DHX30: variants seen among roughly 807,000 people sequenced by gnomAD.
DHX30 encodes the protein DExH-box helicase 30, also known as ATP-dependent RNA helicase DHX30.
DHX30 carries 4 observed loss-of-function variants against 116.9 expected under a neutral mutation model. The ratio of observed to expected loss-of-function variants is 0.03; its 90% CI spans 0.02 to 0.08. The LOEUF (loss-of-function observed/expected upper bound fraction) is 0.08. Ranked by LOEUF, DHX30 falls within the 10% of genes least tolerant of loss-of-function variation. The pLI is 1.00. For missense variants in DHX30, 871 were observed against 1,595.1 expected, an observed-to-expected ratio of 0.55 and a Z score of 7.73; for synonymous variants, 697 against 651.7, an observed-to-expected ratio of 1.07 and a Z score of -1.06.
chr3:47,819,256 A>G (rs751564663), intron 4 of DHX30: 4 of 1,367,914 alleles, frequency 2.9e-6, no homozygotes, highest in African/African-American at 2.9e-5. Flanking sequence ...AACATTTCCA[A>G]CATGGCAGGT....
chr3:47,846,782 T>C lies in DHX30; in HGVS notation c.1710T>C (p.Phe570=). The C allele has an allele frequency of 6.2e-7, 1 of 1,613,886 alleles. No individual in the cohort carries two copies. The highest frequency in any genetic ancestry group is 8.5e-7 in the Non-Finnish European group (1 of 1,179,986). The change falls in exon 11 of 22, where the codon TTT becomes TTC. Residue 570 remains phenylalanine, a synonymous_variant. Coordinates refer to ENST00000445061, the MANE Select transcript of DHX30 (RefSeq NM_138615.3). ...EVHERDVNTD[F]LLILLKGLQR... ...ATGAGCGGGACGTGAACACAGACTT[T>C]CTGCTGATCCTGCTCAAGGGCCTGC...
intron 4 of DHX30, among the ~76,000 whole-genome samples, chr3:47,822,567 A>T (rs2036344635): frequency 6.6e-6 from 1 of 151,974 alleles, no homozygotes; most frequent in Non-Finnish European, 1.5e-5. Context: ...TGGGTGGATC[A>T]TGAGGTCAGG....
At chr3:47,829,303 TATATATATATA>T (rs1371528465) in intron 6 of DHX30, among the ~76,000 whole-genome samples, 169 bp downstream of exon 6, 3 of 41,416 alleles carry the variant, frequency 7.2e-5, no homozygotes, top group African/African-American at 2.1e-4. Flanking sequence ...TATATATATA[TATATATATATA>T]TTTTTTTTTT....
intron 5 of DHX30, among the ~76,000 whole-genome samples, chr3:47,827,782 C>T (rs1042408242): frequency 1.3e-5 from 2 of 152,162 alleles, no homozygotes; most frequent in Non-Finnish European, 2.9e-5. Context: ...ATAATTCTTG[C>T]CCTTACAGTC....
chr3:47,843,026 C>T (rs1289841336), intron 8 of DHX30, 80 bp from the exon 9 acceptor site: 1 of 1,542,710 alleles, frequency 6.5e-7, no homozygotes, highest in Non-Finnish European at 8.9e-7. Context: ...TGTCTCTGGG[C>T]TCCTTGGCAT....
chr3:47,846,975 T>TACCTGC lies in DHX30; in HGVS notation c.1907_1912dup (p.Leu636_His637dup). ...CCTGGCCAAGTTGGGCAAGCACCAGTACCTGCACCGGCACCGGCACCATGA... is the reference window on the plus strand; with the variant it reads ...CCTGGCCAAGTTGGGCAAGCACCAGTACCTGCACCTGCACCGGCACCGGCACCATGA... On this transcript the variant is annotated inframe_insertion, in exon 11 of 22. Coordinates refer to ENST00000445061, the MANE Select transcript of DHX30 (RefSeq NM_138615.3). 2 of 1,612,660 alleles carry TACCTGC rather than the reference T, an allele frequency of 1.2e-6. No individual in the cohort carries two copies. Among genetic ancestry groups the TACCTGC allele is most frequent in the Non-Finnish European group, 8.5e-7 (1 of 1,179,462 alleles).
rs767030872 is a variant in DHX30 at position 47,847,514 on chromosome 3, G to GAGC, written c.2090_2092dup (p.Ser697dup). 9.3e-6 allele frequency: 15 copies of GAGC among 1,611,030 alleles called. No individual in the cohort carries two copies. Among genetic ancestry groups the GAGC allele is most frequent in the Non-Finnish European group, 1.2e-5 (14 of 1,178,562 alleles). Reference sequence around the variant, plus strand: ...TCCAGGAGGCCCTGGGCATGCACGAGAGCAAGTACCTCATCCTGCCAGGTG... The same window carrying GAGC: ...TCCAGGAGGCCCTGGGCATGCACGAGAGCAGCAAGTACCTCATCCTGCCAGGTG... On this transcript the variant is annotated inframe_insertion, in exon 13 of 22. Coordinates refer to ENST00000445061, the MANE Select transcript of DHX30 (RefSeq NM_138615.3). The surrounding 1 kb of genome is among the most constrained non-coding windows in gnomAD (Gnocchi z 5.5).
In DHX30 at chr3:47,846,388, A is replaced by T; in HGVS notation, c.1316A>T (p.His439Leu). The T allele has an allele frequency of 6.2e-7, 1 of 1,614,072 alleles. No homozygotes were observed. Residue 439 changes from histidine to leucine, a missense_variant, in exon 11 of 22, where the codon CAT becomes CTT. Physicochemically the swap from His to Leu is moderately conservative, Grantham distance 99 (BLOSUM62 -3). Around this residue, in one of 13 missense-constraint regions of DHX30, gnomAD observed 175 missense variants for 292.9 expected, o/e 0.60. Transcript: ENST00000445061. ...GCCCCCCAGCTACCTGTGGACCCAC[A>T]TCGGGACACCATCCTCAACGCCATT... is the stretch of plus-strand genomic sequence containing the variant. ...QEAPQLPVDPHRDTILNAIEQ... is the reference protein window; with the variant it reads ...QEAPQLPVDPLRDTILNAIEQ...
rs536906965 is a variant in DHX30 at position 47,812,204 on chromosome 3, G to A, written c.28+1493G>A. 2.0e-5 allele frequency among the ~76,000 whole-genome samples: 3 copies of A among 151,910 alleles called. No homozygotes were observed. In the East Asian group the frequency reaches 5.8e-4, roughly 29 times the overall value. On this transcript the variant is annotated intron_variant, in intron 3 of 21. Coordinates refer to ENST00000445061, the MANE Select transcript of DHX30 (RefSeq NM_138615.3). The stretch of plus-strand genomic sequence containing the variant: ...ATCGTGCCATTGCACTCCAGCCTGG[G>A]CAACAAGAGTGAGATGCCATCTCAA...
chr3:47,846,406 A>C lies in DHX30; in HGVS notation c.1334A>C (p.Asn445Thr). The change falls in exon 11 of 22, where the codon AAC (asparagine) becomes ACC (threonine). Residue 445 changes from asparagine to threonine, a missense_variant. Asn to Thr is a moderately conservative substitution (Grantham distance 65). Coordinates refer to ENST00000445061, the MANE Select transcript of DHX30 (RefSeq NM_138615.3). ...GACCCACATCGGGACACCATCCTCA[A>C]CGCCATTGAGCAGCACCCGGTGGTG... is the stretch of plus-strand genomic sequence containing the variant. ...PVDPHRDTILNAIEQHPVVVI... is the reference protein window; with the variant it reads ...PVDPHRDTILTAIEQHPVVVI... 1 of 1,614,082 alleles carries C rather than the reference A, an allele frequency of 6.2e-7. No homozygotes were observed. The highest frequency in any genetic ancestry group is 8.5e-7 in the Non-Finnish European group (1 of 1,180,020).
chr3:47,815,723 C>CAAAAAAAAAAAAAAAAAAAAAAAAA (rs11349970), intron 3 of DHX30, among the ~76,000 whole-genome samples: 1 of 20,758 alleles, frequency 4.8e-5, no homozygotes. Flanking sequence ...TAAAAAAGAG[C>CAAAAAAAAAAAAAAAAAAAAAAAAA]AAAAAAAAAA....
intron 7 of DHX30, 114 bp downstream of exon 7, chr3:47,841,292 G>A: frequency 7.0e-7 from 1 of 1,431,890 alleles, no homozygotes; most frequent in Non-Finnish European, 9.4e-7. Flanking sequence ...TCACATTTCA[G>A]CCTGTGTGCC....
chr3:47,831,858 A>G (rs913790499), intron 6 of DHX30, among the ~76,000 whole-genome samples: 2 of 148,604 alleles, frequency 1.3e-5, no homozygotes, highest in African/African-American at 4.9e-5. Flanking sequence ...GCTTTAGTGG[A>G]CCACTCTAAA....
intron 3 of DHX30, among the ~76,000 whole-genome samples, chr3:47,811,263 C>A (rs896303270): frequency 6.6e-6 from 1 of 152,006 alleles, no homozygotes; most frequent in Non-Finnish European, 1.5e-5. Flanking sequence ...CTCTAAAATC[C>A]TATTTTTCTA....
chr3:47,845,688 G>C lies in DHX30; in HGVS notation c.940-12G>C, dbSNP rs753191163. On this transcript the variant is annotated splice_polypyrimidine_tract_variant and intron_variant, in intron 9 of 21. Transcript: ENST00000445061. ...CCAGAGCATAGACTGAGTCTTGCAT[G>C]TCCCCCTGCAGAGCCTGGGCCTGGT... The C allele has an allele frequency of 2.5e-6, 4 of 1,577,208 alleles. No individual in the cohort carries two copies. The Admixed American group carries it at 6.8e-5, about 27-fold the overall frequency.
chr3:47,824,230 T>C (rs985958829), intron 4 of DHX30, among the ~76,000 whole-genome samples: 1 of 152,130 alleles, frequency 6.6e-6, no homozygotes, highest in Non-Finnish European at 1.5e-5. Context: ...CTCGAACTCC[T>C]GACCTCAGGT....
intron 4 of DHX30, among the ~76,000 whole-genome samples, chr3:47,819,833 G>C (rs1017494098): frequency 1.3e-5 from 2 of 152,104 alleles, no homozygotes; most frequent in Non-Finnish European, 2.9e-5. Context: ...CAGGGTAAAG[G>C]GTGAGTACAT....
chr3:47,834,335 C>T lies in DHX30; in HGVS notation c.366+5201C>T, dbSNP rs548033955. 2.0e-4 allele frequency among the ~76,000 whole-genome samples: 30 copies of T among 152,258 alleles called. 1 individual carries two copies. The highest frequency in any genetic ancestry group is 3.4e-4 in the Non-Finnish European group (23 of 68,020). ...GCCAGGCTGGTCTTGAACTCCTGACCTGAAGTGATCTGCCCGCCTTGGCCT... is the reference window on the plus strand; with the variant it reads ...GCCAGGCTGGTCTTGAACTCCTGACTTGAAGTGATCTGCCCGCCTTGGCCT... On this transcript the variant is annotated intron_variant, in intron 6 of 21. Transcript: ENST00000445061.
rs1559700835 is a variant in DHX30 at position 47,827,363 on chromosome 3, A to G, written c.141A>G (p.Leu47=). 1.9e-6 allele frequency: 3 copies of G among 1,611,520 alleles called. No individual in the cohort carries two copies. The highest frequency in any genetic ancestry group is 1.3e-5 in the African/African-American group (1 of 74,820). ...TTTTCTTAGCTTCTAGGGACCTATT[A>G]AAAGAGTTCCCACAGCCCAAAAATC... ...GTISRASRDL[L]KEFPQPKNLL... is the part of the protein sequence containing the mutation. Residue 47 remains leucine, a synonymous_variant, in exon 5 of 22, where the codon TTA becomes TTG. Transcript: ENST00000445061.
Sources: gnomAD v4.1 joint callset for allele counts (sites outside exome capture counted in the v4.1 genomes callset) on GRCh38, gnomAD v4.1.1 for gene constraint, gnomAD v4.1.1 regional missense constraint, Gnocchi (gnomAD v3.1) non-coding constraint, MANE v1.5 for transcripts, NCBI Gene and HGNC (gene_info 2026-07-23, HGNC 2026-07-21) for gene names.